Variants in RABGAP1L observed in about 807,000 individuals in gnomAD.
RABGAP1L encodes the protein rab GTPase-activating protein 1-like.
In RABGAP1L, 63 loss-of-function variants were observed where a neutral mutation model predicts 137.7. That is an observed-to-expected ratio of 0.46 (90% CI 0.37 to 0.56). The LOEUF (loss-of-function observed/expected upper bound fraction) is 0.56. RABGAP1L is among the 20% of genes least tolerant of loss of function. The pLI, the probability that RABGAP1L is intolerant of heterozygous loss-of-function variation, is 0.00. For synonymous variants in RABGAP1L, 431 were observed against 433.7 expected (o/e 0.99, Z 0.08); for missense variants, 1,095 against 1,244.0 (o/e 0.88, Z 1.80).
chr1:174,770,437 A>G (rs558764213), intron 18 of RABGAP1L, among the ~76,000 whole-genome samples: 46 of 152,318 alleles, frequency 3.0e-4, no homozygotes, highest in African/African-American at 1.1e-3. Flanking sequence ...ATTATATAAT[A>G]CCTTAAATTT....
intron 1 of RABGAP1L, among the ~76,000 whole-genome samples, chr1:174,207,726 G>A (rs1257345293): frequency 6.6e-6 from 1 of 152,196 alleles, no homozygotes; most frequent in Non-Finnish European, 1.5e-5. Flanking sequence ...CTGCCCATGT[G>A]CAGATAGGTC....
chr1:174,463,831 A>G (rs1472148782), intron 13 of RABGAP1L, among the ~76,000 whole-genome samples: 2 of 151,942 alleles, frequency 1.3e-5, no homozygotes, highest in African/African-American at 2.4e-5. Context: ...ATAATAACAG[A>G]TGTTGGTGAG....
intron 13 of RABGAP1L, among the ~76,000 whole-genome samples, chr1:174,496,506 C>T (rs1417563053): frequency 6.6e-6 from 1 of 152,144 alleles, no homozygotes; most frequent in African/African-American, 2.4e-5. Flanking sequence ...ATGGAGGCTG[C>T]AGAATACTTG....
At chr1:174,936,557 G>C (rs2149275264) in intron 19 of RABGAP1L, among the ~76,000 whole-genome samples, 1 of 152,040 alleles carries the variant, frequency 6.6e-6, no homozygotes, top group Non-Finnish European at 1.5e-5. Flanking sequence ...GCATGTCACT[G>C]TAGCACTCCA....
At chr1:174,917,922 G>T (rs1386069721) in intron 19 of RABGAP1L, among the ~76,000 whole-genome samples, 1 of 141,952 alleles carries the variant, frequency 7.0e-6, no homozygotes, top group Admixed American at 7.4e-5. Flanking sequence ...GACAGAGTGA[G>T]ACTCTGTCTT....
At chr1:174,613,752 G>A (rs1294981883) in intron 13 of RABGAP1L, among the ~76,000 whole-genome samples, 2 of 152,172 alleles carry the variant, frequency 1.3e-5, no homozygotes, top group African/African-American at 4.8e-5. Flanking sequence ...TGTATTGGGT[G>A]CATATATATT....
At chr1:174,405,949 G>A (rs1024009004) in intron 13 of RABGAP1L, among the ~76,000 whole-genome samples, 1 of 152,088 alleles carries the variant, frequency 6.6e-6, no homozygotes, top group Non-Finnish European at 1.5e-5. Flanking sequence ...CTGCACTCCA[G>A]CCTGGGTGAC....
intron 1 of RABGAP1L, among the ~76,000 whole-genome samples, chr1:174,195,464 C>T (rs72711492): frequency 0.23 from 34,886 of 151,936 alleles, 4,468 homozygotes; most frequent in Non-Finnish European, 0.27. Flanking sequence ...ATTTCCTTCT[C>T]GTATTTTTTT....
intron 10 of RABGAP1L, among the ~76,000 whole-genome samples, chr1:174,288,443 C>T (rs1354920093): frequency 6.6e-6 from 1 of 152,160 alleles, no homozygotes; most frequent in African/African-American, 2.4e-5. Flanking sequence ...GTCTTTCTCT[C>T]TTTCATTTCT....
At chr1:174,352,317 A>G (rs1683269641) in intron 11 of RABGAP1L, among the ~76,000 whole-genome samples, 1 of 151,792 alleles carries the variant, frequency 6.6e-6, no homozygotes, top group African/African-American at 2.4e-5. Flanking sequence ...CAAGGTGACT[A>G]ATTCTTTCTT....
Position 174,349,047 on chromosome 1 carries a change from G to T in RABGAP1L, c.1466-21932G>T, listed in dbSNP as rs572004248. Reference sequence around the variant, plus strand: ...CCGGACAGGGCGGCTGGCCGGGCGGGGGGGGGGCTGACCCCCCCCACCTCC... The same window carrying T: ...CCGGACAGGGCGGCTGGCCGGGCGGTGGGGGGGCTGACCCCCCCCACCTCC... On this transcript the variant is annotated intron_variant, in intron 11 of 25. Transcript: ENST00000681986. Among the ~76,000 whole-genome samples, 253 of 139,080 alleles carry T rather than the reference G, an allele frequency of 1.8e-3. 2 individuals carry two copies. Among genetic ancestry groups the T allele is most frequent in the African/African-American group, 5.8e-3 (212 of 36,818 alleles). The allele number at this position is 139,080 out of a possible 152,430, so 91.2% of individuals were successfully genotyped here.
At chr1:174,545,944 CT>C (rs1469391035) in intron 13 of RABGAP1L, 6 of 152,062 alleles carry the variant, frequency 3.9e-5, no homozygotes, top group African/African-American at 1.4e-4. Context: ...ACACATGTTG[CT>C]TGCAATCTAT....
intron 11 of RABGAP1L, among the ~76,000 whole-genome samples, chr1:174,317,697 G>A (rs1284625014): frequency 6.6e-6 from 1 of 152,164 alleles, no homozygotes; most frequent in African/African-American, 2.4e-5. Flanking sequence ...TCTGGGCCTA[G>A]TTCATCACTA....
Position 174,699,565 on chromosome 1 carries a change from T to C in RABGAP1L, c.1940T>C (p.Met647Thr). 6.2e-7 allele frequency: 1 copy of C among 1,612,216 alleles called. No homozygotes were observed. Among genetic ancestry groups the C allele is most frequent in the African/African-American group, 1.3e-5 (1 of 75,010 alleles). The change falls in exon 16 of 26, where the codon ATG becomes ACG. Residue 647 changes from methionine (M) to threonine (T), a missense_variant. Transcript: ENST00000681986. ...EQAFCVLVKI[M>T]YDYGLRDLYR... The stretch of plus-strand genomic sequence containing the variant: ...GCATTCTGTGTTTTGGTGAAAATCA[T>C]GTACGACTATGGTTTGAGAGACCTC...
intron 7 of RABGAP1L, among the ~76,000 whole-genome samples, chr1:174,270,244 C>T (rs577006150): frequency 6.7e-6 from 1 of 150,278 alleles, no homozygotes; most frequent in Non-Finnish European, 1.5e-5. Context: ...TAAAGATTAT[C>T]AAAATAAGGT....
chr1:174,495,219 G>A (rs899805928), intron 13 of RABGAP1L, among the ~76,000 whole-genome samples: 1 of 152,150 alleles, frequency 6.6e-6, no homozygotes, highest in African/African-American at 2.4e-5. Context: ...TTGTTTCAGT[G>A]TAACTTCTAG....
intron 17 of RABGAP1L, among the ~76,000 whole-genome samples, chr1:174,739,002 A>G (rs1479607718): frequency 6.6e-6 from 1 of 152,138 alleles, no homozygotes; most frequent in Non-Finnish European, 1.5e-5. Flanking sequence ...TAATTCTTCC[A>G]TCTTTTTTTA....
At chr1:174,808,329 A>T (rs371181307) in intron 18 of RABGAP1L, among the ~76,000 whole-genome samples, 1 of 151,970 alleles carries the variant, frequency 6.6e-6, no homozygotes, top group South Asian at 2.1e-4. Context: ...TGGCACACGC[A>T]TGTAGTCCTG....
chr1:174,946,941 T>G (rs1666933955), intron 19 of RABGAP1L, among the ~76,000 whole-genome samples: 1 of 46,674 alleles, frequency 2.1e-5, no homozygotes, highest in South Asian at 9.0e-4. Flanking sequence ...TATATATATA[T>G]GTGTGTGTGT....
Sources: gnomAD v4.1 joint callset for allele counts (sites outside exome capture counted in the v4.1 genomes callset) on GRCh38, gnomAD v4.1.1 for gene constraint, MANE v1.5 for transcripts, NCBI Gene and HGNC (gene_info 2026-07-23, HGNC 2026-07-21) for gene names.